GRIK4: variants seen among roughly 807,000 people sequenced by gnomAD.
The protein encoded by GRIK4 is glutamate receptor ionotropic, kainate 4.
GRIK4 carries 40 observed loss-of-function variants against 104.9 expected under a neutral mutation model. That is an observed-to-expected ratio of 0.38 (90% CI 0.30 to 0.50). GRIK4 has a LOEUF of 0.50. GRIK4 is among the 20% of genes least tolerant of loss of function. GRIK4 has a pLI of 0.93. For missense variants in GRIK4, 1,047 were observed against 1,308.1 expected (o/e 0.80, Z 3.08); for synonymous variants, 485 against 524.9 (o/e 0.92, Z 1.04).
chr11:120,829,891 C>T (rs1031058917), intron 6 of GRIK4, among the ~76,000 whole-genome samples: 1 of 152,116 alleles, frequency 6.6e-6, no homozygotes, highest in African/African-American at 2.4e-5. Context: ...GTGGTGAGGG[C>T]CTGTGAGGGG....
At position 120,560,205 on chromosome 11, in the gene GRIK4, C is replaced by A. The variant is rs751544333; in HGVS notation, c.-159+48318C>A. On this transcript the variant is annotated intron_variant, in intron 1 of 20. Coordinates refer to ENST00000527524, the MANE Select transcript of GRIK4 (RefSeq NM_014619.5). ...CTGGGATTGTAGGTGTGTGCCACCA[C>A]GCCCGGCTAATTTTTTTGGTATTTT... 2.0e-5 allele frequency among the ~76,000 whole-genome samples: 3 copies of A among 152,148 alleles called. No individual in the cohort carries two copies. The South Asian group carries it at 6.2e-4, about 32-fold the overall frequency.
At chr11:120,856,203 G>T (rs1001631340) in intron 8 of GRIK4, among the ~76,000 whole-genome samples, 1 of 152,192 alleles carries the variant, frequency 6.6e-6, no homozygotes, top group Non-Finnish European at 1.5e-5. Context: ...TCAGAGATCC[G>T]CCTGAAATCA....
chr11:120,878,838 A>C (rs1240721505), intron 11 of GRIK4, among the ~76,000 whole-genome samples: 2 of 152,128 alleles, frequency 1.3e-5, no homozygotes, highest in Non-Finnish European at 2.9e-5. Context: ...TTAGGGAGTG[A>C]TAATTAATTG....
chr11:120,768,894 T>C (rs1447888431), intron 3 of GRIK4, among the ~76,000 whole-genome samples: 1 of 152,230 alleles, frequency 6.6e-6, no homozygotes, highest in African/African-American at 2.4e-5. Context: ...TAAATCCAAC[T>C]TGGTCATGAT....
intron 1 of GRIK4, among the ~76,000 whole-genome samples, chr11:120,553,826 T>C (rs1948162453): frequency 6.6e-6 from 1 of 152,104 alleles, no homozygotes; most frequent in African/African-American, 2.4e-5. Context: ...CCCTGAGATG[T>C]CTCTCTCCGG....
rs528919468 is a variant in GRIK4 at position 120,903,373 on chromosome 11, A to G, written c.1273-1917A>G. Among the ~76,000 whole-genome samples, 103 of 152,060 alleles carry G rather than the reference A, an allele frequency of 6.8e-4. 1 individual carries two copies. The highest frequency in any genetic ancestry group is 2.4e-3 in the African/African-American group (98 of 41,474). ...CCACTTTCAGCACAACTCTGGGGCC[A>G]GCACGAGCTCCCTTCTCTCTGTGAA... On this transcript the variant is annotated intron_variant, in intron 12 of 20. Transcript: ENST00000527524. The surrounding 1 kb of genome is among the most constrained non-coding windows in gnomAD (Gnocchi z 4.4).
intron 1 of GRIK4, among the ~76,000 whole-genome samples, chr11:120,525,146 C>T (rs955784534): frequency 2.6e-5 from 4 of 152,030 alleles, no homozygotes; most frequent in Non-Finnish European, 4.4e-5. Flanking sequence ...TGGGAAGGGG[C>T]GCTGGGAAGG....
chr11:120,579,360 C>A (rs1948535046), intron 1 of GRIK4, among the ~76,000 whole-genome samples: 2 of 152,112 alleles, frequency 1.3e-5, no homozygotes, highest in South Asian at 4.1e-4. Context: ...GAGTTCAGGG[C>A]AGAGCCTTCC....
intron 3 of GRIK4, among the ~76,000 whole-genome samples, chr11:120,662,422 A>G (rs1949832509): frequency 6.6e-6 from 1 of 152,360 alleles, no homozygotes; most frequent in African/African-American, 2.4e-5. Flanking sequence ...CAGCAGTGCC[A>G]GGACCCGTTC....
chr11:120,763,645 C>G (rs1951786664), intron 3 of GRIK4, among the ~76,000 whole-genome samples: 1 of 152,052 alleles, frequency 6.6e-6, no homozygotes, highest in Non-Finnish European at 1.5e-5. Context: ...TACGTTGTGT[C>G]TTTGTTCTCA....
At chr11:120,593,409 G>C (rs1948760280) in intron 1 of GRIK4, among the ~76,000 whole-genome samples, 1 of 152,036 alleles carries the variant, frequency 6.6e-6, no homozygotes, top group Non-Finnish European at 1.5e-5. Flanking sequence ...TGGACACTCT[G>C]CTGTCCTCAT....
chr11:120,706,883 ATTTG>A (rs1356362098), intron 3 of GRIK4, among the ~76,000 whole-genome samples: 1 of 152,008 alleles, frequency 6.6e-6, no homozygotes, highest in Non-Finnish European at 1.5e-5. Flanking sequence ...TACTGTCTTT[ATTTG>A]TTAGGATCAC....
chr11:120,644,691 G>A (rs375951488), intron 1 of GRIK4, among the ~76,000 whole-genome samples: 45 of 152,296 alleles, frequency 3.0e-4, no homozygotes, highest in African/African-American at 8.4e-4. Context: ...TCAGGTCACC[G>A]GTGAACCTTC....
Position 120,862,083 on chromosome 11 carries a change from A to G in GRIK4, c.869A>G (p.Gln290Arg), listed in dbSNP as rs747153656. Residue 290 changes from glutamine to arginine, a missense_variant, in exon 9 of 21, where the codon CAG (glutamine) becomes CGG (arginine). Gln to Arg is a conservative substitution (Grantham distance 43). Around this residue, in one of 3 missense-constraint regions of GRIK4, gnomAD observed 447 missense variants for 514.9 expected, o/e 0.87. Coordinates refer to ENST00000527524, the MANE Select transcript of GRIK4 (RefSeq NM_014619.5). ...EFAQSLNQSW[Q>R]ENCDHVPFTG... Reference sequence around the variant, plus strand: ...GCCCAGAGCCTCAACCAGTCCTGGCAGGAGAACTGTGACCATGTGCCCTTC... The same window carrying G: ...GCCCAGAGCCTCAACCAGTCCTGGCGGGAGAACTGTGACCATGTGCCCTTC... The G allele has an allele frequency of 1.9e-6, 3 of 1,614,150 alleles. No homozygotes were observed. Among genetic ancestry groups the G allele is most frequent in the Non-Finnish European group, 2.5e-6 (3 of 1,179,990 alleles).
At chr11:120,639,602 G>T (rs1208616069) in intron 1 of GRIK4, among the ~76,000 whole-genome samples, 1 of 152,124 alleles carries the variant, frequency 6.6e-6, no homozygotes, top group Non-Finnish European at 1.5e-5. Flanking sequence ...TCCTTGCTTT[G>T]CATTCCTCCA....
intron 3 of GRIK4, among the ~76,000 whole-genome samples, chr11:120,671,882 A>G (rs999567135): frequency 6.6e-6 from 1 of 152,152 alleles, no homozygotes; most frequent in Non-Finnish European, 1.5e-5. Context: ...TTAAATACAG[A>G]ATCCTTTCCT....
At chr11:120,732,346 C>T (rs1337749179) in intron 3 of GRIK4, among the ~76,000 whole-genome samples, 2 of 152,044 alleles carry the variant, frequency 1.3e-5, no homozygotes, top group Non-Finnish European at 2.9e-5. Flanking sequence ...TATTGGCTAG[C>T]CTGGTCTTTA....
intron 5 of GRIK4, among the ~76,000 whole-genome samples, chr11:120,818,565 T>C (rs1363073809): frequency 2.0e-5 from 3 of 152,210 alleles, no homozygotes; most frequent in Admixed American, 6.5e-5. Flanking sequence ...CAGAAGTTTT[T>C]CCCCTAGTTT....
intron 13 of GRIK4, among the ~76,000 whole-genome samples, chr11:120,913,526 G>A (rs1184930202): frequency 6.6e-6 from 1 of 151,632 alleles, no homozygotes; most frequent in Non-Finnish European, 1.5e-5. Context: ...CATTTGGGAA[G>A]AGACAGAGTC....
Sources: allele counts gnomAD v4.1 joint callset (sites outside exome capture counted in the v4.1 genomes callset), GRCh38; gene constraint gnomAD v4.1.1; regional missense constraint gnomAD v4.1.1; non-coding constraint Gnocchi (gnomAD v3.1); transcripts MANE v1.5; gene names NCBI Gene and HGNC (gene_info 2026-07-23, HGNC 2026-07-21).